The following PLXNA4 variants were observed in gnomAD, a reference collection of about 807,000 sequenced individuals.
PLXNA4 encodes plexin-A4.
PLXNA4 carries 44 observed loss-of-function variants against 191.8 expected under a neutral mutation model. The ratio of observed to expected loss-of-function variants is 0.23; its 90% confidence interval spans 0.18 to 0.29. PLXNA4 has a LOEUF of 0.29. Among genes scored for constraint, PLXNA4 ranks in the 10% least tolerant of loss-of-function variants. The pLI is 1.00. For missense variants in PLXNA4, 1,800 were observed against 2,488.8 expected (o/e 0.72, Z 5.89); for synonymous variants, 1,082 against 1,009.5 (o/e 1.07, Z -1.36).
intron 3 of PLXNA4, among the ~76,000 whole-genome samples, chr7:132,299,434 T>G (rs1801225373): frequency 6.6e-6 from 1 of 152,066 alleles, no homozygotes; most frequent in Non-Finnish European, 1.5e-5. Context: ...CCACACCAGG[T>G]CCCCCAGAAG....
chr7:132,292,631 G>A (rs1238107040), intron 4 of PLXNA4, among the ~76,000 whole-genome samples: 1 of 152,188 alleles, frequency 6.6e-6, no homozygotes, highest in Non-Finnish European at 1.5e-5. Flanking sequence ...AACTCTATAA[G>A]AATATACCTG....
intron 3 of PLXNA4, among the ~76,000 whole-genome samples, chr7:132,410,643 G>T (rs1410859954): frequency 6.6e-6 from 1 of 152,182 alleles, no homozygotes; most frequent in Non-Finnish European, 1.5e-5. Context: ...GATAATAAAG[G>T]TTTCGTCTGT....
intron 13 of PLXNA4, among the ~76,000 whole-genome samples, chr7:132,197,522 G>C (rs1257896782): frequency 1.3e-5 from 2 of 152,140 alleles, no homozygotes; most frequent in African/African-American, 2.4e-5. Flanking sequence ...CAGTGGCCTA[G>C]TTTGGTTTCG....
intron 4 of PLXNA4, among the ~76,000 whole-genome samples, chr7:132,257,091 C>T (rs1799459200): frequency 1.3e-5 from 2 of 152,204 alleles, no homozygotes; most frequent in Admixed American, 6.5e-5. Context: ...AATGGCAGTG[C>T]CAGGTCCCTA....
At chr7:132,354,900 C>T (rs190782572) in intron 3 of PLXNA4, among the ~76,000 whole-genome samples, 4 of 152,338 alleles carry the variant, frequency 2.6e-5, no homozygotes, top group African/African-American at 9.6e-5. Flanking sequence ...GGTTGTGGAA[C>T]ACAATTCGTA....
chr7:132,563,343 TCC>T, intron 1 of PLXNA4, among the ~76,000 whole-genome samples: 1 of 113,238 alleles, frequency 8.8e-6, no homozygotes, highest in Non-Finnish European at 1.8e-5. Flanking sequence ...CTCCTTCTCC[TCC>T]TCTTTCTCCT....
At chr7:132,135,953 C>A (rs969647054) in intron 30 of PLXNA4, among the ~76,000 whole-genome samples, 3 of 152,164 alleles carry the variant, frequency 2.0e-5, no homozygotes, top group Non-Finnish European at 4.4e-5. Context: ...AGTTCTAAAT[C>A]AGCTGAGCTG....
At chr7:132,209,729 T>A (rs1187787353) in intron 10 of PLXNA4, among the ~76,000 whole-genome samples, 1 of 152,138 alleles carries the variant, frequency 6.6e-6, no homozygotes, top group Non-Finnish European at 1.5e-5. Flanking sequence ...CACGAAATCC[T>A]TTGTCTGGGA....
chr7:132,589,028 G>A (rs1802559011), intron 2 of PLXNA4, among the ~76,000 whole-genome samples: 1 of 152,124 alleles, frequency 6.6e-6, no homozygotes, highest in South Asian at 2.1e-4. Context: ...CATTGTAATT[G>A]TAGAGCAAAA....
chr7:132,436,861 C>T (rs1795490616), intron 3 of PLXNA4, among the ~76,000 whole-genome samples: 1 of 152,208 alleles, frequency 6.6e-6, no homozygotes, highest in African/African-American at 2.4e-5. Context: ...GGCTTCACAG[C>T]TGCTATACCC....
At chr7:132,269,978 C>A (rs1280092534) in intron 4 of PLXNA4, among the ~76,000 whole-genome samples, 1 of 152,064 alleles carries the variant, frequency 6.6e-6, no homozygotes, top group Non-Finnish European at 1.5e-5. Flanking sequence ...GAGGGATTGA[C>A]AGGAATAATA....
chr7:132,232,672 C>T (rs557145903), intron 5 of PLXNA4, among the ~76,000 whole-genome samples: 28 of 152,312 alleles, frequency 1.8e-4, no homozygotes, highest in African/African-American at 5.3e-4. Context: ...CAGCTACCTC[C>T]GCCCTCCCCT....
chr7:132,152,749 C>T (rs1298808710), intron 25 of PLXNA4, among the ~76,000 whole-genome samples: 1 of 152,176 alleles, frequency 6.6e-6, no homozygotes, highest in Non-Finnish European at 1.5e-5. Context: ...AAAATACCTC[C>T]CAGGCATCAA....
At chr7:132,234,473 C>T (rs945101940) in intron 5 of PLXNA4, among the ~76,000 whole-genome samples, 1 of 152,168 alleles carries the variant, frequency 6.6e-6, no homozygotes, top group Admixed American at 6.5e-5. Context: ...TGGTTGTCCA[C>T]AGGTATCCAA....
intron 1 of PLXNA4, among the ~76,000 whole-genome samples, chr7:132,525,058 A>T (rs1799346134): frequency 6.6e-6 from 1 of 152,034 alleles, no homozygotes; most frequent in Non-Finnish European, 1.5e-5. Context: ...TACCCATCAA[A>T]TACCAACTCT....
rs1161356247 is a variant in PLXNA4, at chr7:132,431,205, C to T, written c.1371+58087G>A. Among the ~76,000 whole-genome samples, 3 of 152,172 alleles carry T rather than the reference C, an allele frequency of 2.0e-5. No individual in the cohort carries two copies. The East Asian group carries it at 5.8e-4, about 29-fold the overall frequency. The stretch of plus-strand genomic sequence containing the variant: ...GGAGCAGATTCTCAATAGAAATTTG[C>T]TAATCTTGGTCAAATTCTGTCCATT... On this transcript the variant is annotated intron_variant, in intron 3 of 31. Coordinates refer to ENST00000321063, the MANE Select transcript of PLXNA4 (RefSeq NM_020911.2).
At chr7:132,516,256 ATTTATTTG>A (rs1798934156) in intron 1 of PLXNA4, among the ~76,000 whole-genome samples, 1 of 135,826 alleles carries the variant, frequency 7.4e-6, no homozygotes, top group African/African-American at 2.7e-5. Flanking sequence ...TTATTTATTT[ATTTATTTG>A]TATTTAAAGG....
At chr7:132,377,706 A>G (rs554008705) in intron 3 of PLXNA4, among the ~76,000 whole-genome samples, 2 of 152,258 alleles carry the variant, frequency 1.3e-5, no homozygotes, top group East Asian at 3.9e-4. Context: ...GCACCAACTC[A>G]GTAGATAGGT....
intron 3 of PLXNA4, among the ~76,000 whole-genome samples, chr7:132,305,361 A>ACACACACACACAC (rs1801472876): frequency 7.6e-6 from 1 of 131,090 alleles, no homozygotes; most frequent in African/African-American, 2.9e-5. Flanking sequence ...GCTTACCAAG[A>ACACACACACACAC]ACACACACAC....
Sources: allele counts gnomAD v4.1 joint callset (sites outside exome capture counted in the v4.1 genomes callset), GRCh38; gene constraint gnomAD v4.1.1; transcripts MANE v1.5; gene names NCBI Gene and HGNC (gene_info 2026-07-23, HGNC 2026-07-21).